CSMD3: variants seen among roughly 807,000 people sequenced by gnomAD.
CSMD3 encodes CUB and Sushi multiple domains 3, also known as CUB and sushi domain-containing protein 3.
In CSMD3, 177 loss-of-function variants were observed where a neutral mutation model predicts 435.2. The ratio of observed to expected loss-of-function variants is 0.41; its 90% confidence interval spans 0.36 to 0.46. CSMD3 has a LOEUF of 0.46. Ranked by LOEUF, CSMD3 falls within the 20% of genes least tolerant of loss-of-function variation. The pLI is 0.34. For missense variants in CSMD3, 4,265 were observed against 4,504.6 expected, an observed-to-expected ratio of 0.95 and a Z score of 1.52; for synonymous variants, 1,656 against 1,520.5, an observed-to-expected ratio of 1.09 and a Z score of -2.07.
At chr8:113,256,707 C>T (rs942133099) in intron 3 of CSMD3, among the ~76,000 whole-genome samples, 8 of 152,136 alleles carry the variant, frequency 5.3e-5, no homozygotes, top group Admixed American at 6.5e-5. Context: ...GATAGTTTGG[C>T]TGCAACAATT....
intron 57 of CSMD3, among the ~76,000 whole-genome samples, chr8:112,287,539 T>C (rs1819328650): frequency 6.6e-6 from 1 of 152,104 alleles, no homozygotes; most frequent in Non-Finnish European, 1.5e-5. Context: ...ACCAAGCTAA[T>C]GGAAAATGTG....
At chr8:113,256,879 T>C (rs567198175) in intron 3 of CSMD3, among the ~76,000 whole-genome samples, 5 of 152,258 alleles carry the variant, frequency 3.3e-5, no homozygotes, top group East Asian at 1.9e-4. Context: ...TTAGATTACG[T>C]AGAAATGCAG....
intron 6 of CSMD3, among the ~76,000 whole-genome samples, chr8:112,989,380 T>C (rs1293346306): frequency 6.6e-6 from 1 of 152,024 alleles, no homozygotes; most frequent in African/African-American, 2.4e-5. Flanking sequence ...TCTTGTGTCC[T>C]ATGTTTCTAT....
At chr8:112,912,672 T>A (rs1564096433) in intron 10 of CSMD3, among the ~76,000 whole-genome samples, 1 of 152,066 alleles carries the variant, frequency 6.6e-6, no homozygotes, top group East Asian at 1.9e-4. Flanking sequence ...TTCCTGTATA[T>A]GACCCCAAAA....
chr8:112,700,035 G>A (rs2076354853), intron 13 of CSMD3, among the ~76,000 whole-genome samples: 1 of 152,120 alleles, frequency 6.6e-6, no homozygotes, highest in African/African-American at 2.4e-5. Flanking sequence ...TTTTATTTAT[G>A]TTGATTTTCT....
intron 5 of CSMD3, among the ~76,000 whole-genome samples, chr8:113,062,831 G>A (rs554950188): frequency 6.6e-6 from 1 of 151,518 alleles, no homozygotes; most frequent in African/African-American, 2.4e-5. Flanking sequence ...TATAACCTAT[G>A]GTCTGGAAAT....
intron 3 of CSMD3, among the ~76,000 whole-genome samples, chr8:113,191,292 C>T (rs961613418): frequency 2.0e-5 from 3 of 151,678 alleles, no homozygotes; most frequent in East Asian, 1.9e-4. Flanking sequence ...GTTTGTTACA[C>T]GGGCATATTG....
chr8:112,740,368 GTGT>G (rs1261682602), intron 13 of CSMD3, among the ~76,000 whole-genome samples: 2 of 140,226 alleles, frequency 1.4e-5, no homozygotes, highest in East Asian at 4.8e-4. Context: ...GATCTTTTTT[GTGT>G]TTTTTTCACT....
At chr8:112,831,799 T>C (rs2079884035) in intron 11 of CSMD3, among the ~76,000 whole-genome samples, 1 of 152,142 alleles carries the variant, frequency 6.6e-6, no homozygotes, top group Non-Finnish European at 1.5e-5. Flanking sequence ...GGTGAACAGA[T>C]GAAGCTGCTT....
At chr8:112,238,857 T>A (rs967739679) in intron 66 of CSMD3, among the ~76,000 whole-genome samples, 2 of 152,050 alleles carry the variant, frequency 1.3e-5, no homozygotes, top group East Asian at 3.9e-4. Flanking sequence ...CATCCCTGCA[T>A]AGCTATGAAG....
chr8:112,464,221 GA>G (rs1280038265), intron 32 of CSMD3, among the ~76,000 whole-genome samples: 2 of 146,186 alleles, frequency 1.4e-5, no homozygotes, highest in Non-Finnish European at 3.0e-5. Context: ...CTGGGCGACA[GA>G]GCGAGACTCT....
At chr8:113,096,251 T>C (rs1459954081) in intron 5 of CSMD3, among the ~76,000 whole-genome samples, 2 of 152,134 alleles carry the variant, frequency 1.3e-5, no homozygotes, top group East Asian at 3.9e-4. Context: ...CCTCCAAAAA[T>C]GTTTCATCAA....
At chr8:112,525,438 A>G (rs2131036795) in intron 27 of CSMD3, among the ~76,000 whole-genome samples, 1 of 150,550 alleles carries the variant, frequency 6.6e-6, no homozygotes, top group African/African-American at 2.4e-5. Flanking sequence ...AACTATCAAA[A>G]GGCCGGGAGC....
chr8:112,667,701 T>A (rs1247186079), intron 16 of CSMD3, among the ~76,000 whole-genome samples: 1 of 152,062 alleles, frequency 6.6e-6, no homozygotes, highest in African/African-American at 2.4e-5. Context: ...TTTCAGGAAG[T>A]ATACACAGAA....
chr8:112,525,788 ATATATATG>A (rs57921747), intron 27 of CSMD3, among the ~76,000 whole-genome samples: 2,076 of 137,596 alleles, frequency 0.015, 55 homozygotes, highest in African/African-American at 0.053. Context: ...GTGTGTGTAT[ATATATATG>A]TATATATATA....
intron 4 of CSMD3, among the ~76,000 whole-genome samples, chr8:113,124,397 G>A (rs748646665): frequency 1.3e-5 from 2 of 151,340 alleles, no homozygotes; most frequent in African/African-American, 2.4e-5. Flanking sequence ...ATTATTTAAC[G>A]AGACATCATT....
At chr8:112,255,458 A>C in intron 61 of CSMD3, 31 bp from the exon 62 acceptor site, 1 of 1,603,744 alleles carries the variant, frequency 6.2e-7, no homozygotes, top group Non-Finnish European at 8.5e-7. Flanking sequence ...GCTTATATCA[A>C]AGATTTAGTA....
chr8:113,086,851 C>T (rs4876300), intron 5 of CSMD3, among the ~76,000 whole-genome samples: 102,187 of 151,954 alleles, frequency 0.67, 35,963 homozygotes, highest in East Asian at 0.95. Flanking sequence ...CTATTGAGGA[C>T]GTTCATTTTC....
chr8:112,548,618 G>T lies in CSMD3; in HGVS notation c.4564+2053C>A, dbSNP rs74767462. Reference sequence around the variant, plus strand: ...ACCATATCTTATATGGCTTTTGTGAGAATTAAATGAGATTATGTATATAAA... The same window carrying T: ...ACCATATCTTATATGGCTTTTGTGATAATTAAATGAGATTATGTATATAAA... On this transcript the variant is annotated intron_variant, in intron 27 of 70. Coordinates refer to ENST00000297405, the MANE Select transcript of CSMD3 (RefSeq NM_198123.2). Among the ~76,000 whole-genome samples, 933 of 152,114 alleles carry T rather than the reference G, an allele frequency of 6.1e-3. 10 individuals carry two copies. The highest frequency in any genetic ancestry group is 0.022 in the African/African-American group (901 of 41,520).
Sources: gnomAD v4.1 joint callset for allele counts (sites outside exome capture counted in the v4.1 genomes callset) on GRCh38, gnomAD v4.1.1 for gene constraint, MANE v1.5 for transcripts, NCBI Gene and HGNC (gene_info 2026-07-23, HGNC 2026-07-21) for gene names.